PKNOX1: variants seen among roughly 807,000 people sequenced by gnomAD.
PKNOX1 encodes the protein PBX/knotted 1 homeobox 1.
In PKNOX1, 15 loss-of-function variants were observed where a neutral mutation model predicts 51.9. The ratio of observed to expected loss-of-function variants is 0.29; its 90% CI spans 0.19 to 0.45. PKNOX1 has a LOEUF of 0.45. Among genes scored for constraint, PKNOX1 ranks in the 20% least tolerant of loss-of-function variants. The pLI, the probability that PKNOX1 is intolerant of heterozygous loss-of-function variation, is 1.00. For missense variants in PKNOX1, 462 were observed against 547.5 expected (o/e 0.84, Z 1.56); for synonymous variants, 219 against 211.1 (o/e 1.04, Z -0.32).
intron 1 of PKNOX1, among the ~76,000 whole-genome samples, chr21:42,975,876 G>C (rs1023746021): frequency 6.6e-5 from 10 of 152,224 alleles, no homozygotes; most frequent in African/African-American, 2.4e-4. Flanking sequence ...GCTTTAGTTA[G>C]GTCTACTTTC....
At chr21:43,000,399 A>G (rs1244460569) in intron 1 of PKNOX1, among the ~76,000 whole-genome samples, 1 of 152,216 alleles carries the variant, frequency 6.6e-6, no homozygotes, top group East Asian at 1.9e-4. Context: ...GGCAAGGAAA[A>G]GCAAATTATG....
intron 3 of PKNOX1, among the ~76,000 whole-genome samples, chr21:43,009,037 G>A (rs1209756123): frequency 1.3e-5 from 2 of 152,082 alleles, no homozygotes; most frequent in South Asian, 2.1e-4. Context: ...ATGAAGTGGC[G>A]GGCGCGGTGG....
chr21:42,978,403 T>TA (rs2059008530), intron 1 of PKNOX1, among the ~76,000 whole-genome samples: 1 of 152,138 alleles, frequency 6.6e-6, no homozygotes, highest in African/African-American at 2.4e-5. Flanking sequence ...AATTTGTGTA[T>TA]GTATTTTTTT....
At chr21:43,018,821 C>T (rs376627272) in intron 7 of PKNOX1, among the ~76,000 whole-genome samples, 1 of 152,010 alleles carries the variant, frequency 6.6e-6, no homozygotes, top group African/African-American at 2.4e-5. Flanking sequence ...GGGCCGGGCA[C>T]GGTGACGTCT....
chr21:42,981,936 G>A (rs904956226), intron 1 of PKNOX1, among the ~76,000 whole-genome samples: 1 of 152,198 alleles, frequency 6.6e-6, no homozygotes, highest in Non-Finnish European at 1.5e-5. Context: ...ACCATGGTTT[G>A]TGCTCTGGCA....
At chr21:43,011,481 C>T (rs562707982) in intron 4 of PKNOX1, among the ~76,000 whole-genome samples, 9 of 152,264 alleles carry the variant, frequency 5.9e-5, no homozygotes, top group African/African-American at 1.9e-4. Context: ...ATCTTGGTTC[C>T]GTCATCACTG....
intron 1 of PKNOX1, among the ~76,000 whole-genome samples, chr21:42,988,699 C>T (rs893936787): frequency 1.3e-5 from 2 of 152,158 alleles, no homozygotes; most frequent in Non-Finnish European, 2.9e-5. Flanking sequence ...CATGCTTCAC[C>T]GAGAGCAGTT....
At chr21:42,988,625 T>C (rs1253816877) in intron 1 of PKNOX1, among the ~76,000 whole-genome samples, 1 of 152,158 alleles carries the variant, frequency 6.6e-6, no homozygotes, top group Non-Finnish European at 1.5e-5. Flanking sequence ...CTAGTTCCCA[T>C]TGAGCGCTGG....
At chr21:43,024,764 G>A (rs879267019) in intron 8 of PKNOX1, 107 bp from the exon 9 acceptor site, 15 of 713,976 alleles carry the variant, frequency 2.1e-5, no homozygotes, top group African/African-American at 8.9e-5. Flanking sequence ...CACTGTTGAC[G>A]TGACCATTAT....
At chr21:42,989,076 T>C (rs2059072263) in intron 1 of PKNOX1, among the ~76,000 whole-genome samples, 1 of 152,214 alleles carries the variant, frequency 6.6e-6, no homozygotes, top group Non-Finnish European at 1.5e-5. Flanking sequence ...ATCTCCCTCA[T>C]CCCTTCCTTT....
At chr21:42,989,366 A>T (rs550345234) in intron 1 of PKNOX1, among the ~76,000 whole-genome samples, 1 of 152,202 alleles carries the variant, frequency 6.6e-6, no homozygotes, top group Admixed American at 6.6e-5. Context: ...GGTCAGGATA[A>T]CATTGCTTAG....
intron 1 of PKNOX1, among the ~76,000 whole-genome samples, chr21:42,983,850 C>T (rs1357960188): frequency 6.6e-6 from 1 of 152,116 alleles, no homozygotes; most frequent in Non-Finnish European, 1.5e-5. Context: ...CCGTATCTTA[C>T]CCAACACTTA....
intron 5 of PKNOX1, 59 bp from the exon 6 acceptor site, chr21:43,016,849 T>C: frequency 2.6e-6 from 3 of 1,168,070 alleles, no homozygotes; most frequent in Non-Finnish European, 3.7e-6. Flanking sequence ...TGTTAAAGTT[T>C]TAAACATGGG....
chr21:42,979,051 C>T (rs750582414), intron 1 of PKNOX1, among the ~76,000 whole-genome samples: 1 of 152,182 alleles, frequency 6.6e-6, no homozygotes, highest in Admixed American at 6.5e-5. Flanking sequence ...AGGGATGTGC[C>T]AGCATGCCCA....
chr21:43,012,982 A>G, intron 4 of PKNOX1, 86 bp from the exon 5 acceptor site: 4 of 1,053,550 alleles, frequency 3.8e-6, no homozygotes, highest in Non-Finnish European at 4.2e-6. Flanking sequence ...GGTTCTATCT[A>G]ATGACTAAGA....
chr21:42,986,274 G>A (rs946671560), intron 1 of PKNOX1, among the ~76,000 whole-genome samples: 5 of 152,110 alleles, frequency 3.3e-5, no homozygotes, highest in East Asian at 1.9e-4. Flanking sequence ...AGGCCAAGGC[G>A]GGTGGATCAT....
intron 1 of PKNOX1, among the ~76,000 whole-genome samples, chr21:42,977,436 G>A (rs1254267225): frequency 6.6e-6 from 1 of 151,312 alleles, no homozygotes; most frequent in African/African-American, 2.4e-5. Context: ...ACCTGGTGTT[G>A]CTTTTCTGTT....
chr21:43,001,067 G>A (rs1433629497), intron 1 of PKNOX1, among the ~76,000 whole-genome samples: 1 of 152,180 alleles, frequency 6.6e-6, no homozygotes, highest in Non-Finnish European at 1.5e-5. Context: ...GCAGAGATTT[G>A]GAGGAGAGCC....
chr21:42,994,795 T>C (rs1978417200), intron 1 of PKNOX1, among the ~76,000 whole-genome samples: 1 of 152,178 alleles, frequency 6.6e-6, no homozygotes, highest in Non-Finnish European at 1.5e-5. Flanking sequence ...TCTAATAGTA[T>C]ATAATACTAT....
Sources: allele counts gnomAD v4.1 joint callset (sites outside exome capture counted in the v4.1 genomes callset), GRCh38; gene constraint gnomAD v4.1.1; transcripts MANE v1.5; gene names NCBI Gene and HGNC (gene_info 2026-07-23, HGNC 2026-07-21).